LMTK3: variants seen among roughly 807,000 people sequenced by gnomAD.
The protein encoded by LMTK3 is serine/threonine-protein kinase LMTK3.
In LMTK3, 27 loss-of-function variants were observed where a neutral mutation model predicts 116.7. The ratio of observed to expected loss-of-function variants is 0.23; its 90% confidence interval spans 0.17 to 0.32. LMTK3 has a LOEUF of 0.32. Ranked by LOEUF, LMTK3 falls within the 10% of genes least tolerant of loss-of-function variation. The pLI, the probability that LMTK3 is intolerant of heterozygous loss-of-function variation, is 1.00. For missense variants in LMTK3, 1,764 were observed against 2,068.5 expected (o/e 0.85, Z 2.86); for synonymous variants, 965 against 971.0 (o/e 0.99, Z 0.11).
intron 1 of LMTK3, 142 bp from the exon 2 acceptor site, chr19:48,510,734 C>T: frequency 1.0e-6 from 1 of 979,286 alleles, no homozygotes. Context: ...TGCAGAGTGG[C>T]CCAAGGCATT....
At chr19:48,486,047 CTTTTTTTTTTTTTTTTTTTTT>C (rs141193575) in intron 14 of LMTK3, among the ~76,000 whole-genome samples, 2 of 59,714 alleles carry the variant, frequency 3.3e-5, no homozygotes, top group Non-Finnish European at 5.9e-5. Context: ...AACATTCTTC[CTTTTTTTTTTTTTTTTTTTTT>C]TTTTTTTTTG....
chr19:48,485,840 T>G, intron 14 of LMTK3, 51 bp from the exon 15 acceptor site: 1 of 1,569,748 alleles, frequency 6.4e-7, no homozygotes, highest in Non-Finnish European at 8.7e-7. Flanking sequence ...GGGGACAGCC[T>G]CATGGCTTCT....
chr19:48,493,609 G>C lies in LMTK3; in HGVS notation c.4092+85C>G, dbSNP rs191334939. 842 of 1,288,868 alleles carry C rather than the reference G, an allele frequency of 6.5e-4. 7 individuals carry two copies. In the African/African-American group the frequency reaches 0.011, roughly 18 times the overall value. The allele number at this position is 1,288,868 out of a possible 1,614,324, so 79.8% of individuals were successfully genotyped here. A position where few individuals can be genotyped will look rare whatever the true frequency, so the allele number is the denominator to read the frequency against. The stretch of plus-strand genomic sequence containing the variant: ...CCAGGCCCCGCCCAACTCTAAGCTC[G>C]GCCTCCCGCCAGGCCCTTCCCGGCT... On this transcript the variant is annotated intron_variant, in intron 12 of 14. Transcript: ENST00000600059.
In LMTK3 at chr19:48,494,053, C is replaced by T; in HGVS notation, c.3733G>A (p.Gly1245Arg). 8.4e-7 allele frequency: 1 copy of T among 1,187,500 alleles called. No individual in the cohort carries two copies. The highest frequency in any genetic ancestry group is 1.0e-6 in the Non-Finnish European group (1 of 959,092). The allele number at this position is 1,187,500 out of a possible 1,614,324, so 73.6% of individuals were successfully genotyped here. A position where few individuals can be genotyped will look rare whatever the true frequency, so the allele number is the denominator to read the frequency against. The part of the protein sequence containing the change: ...LPPLTLTPFP[G>R]PGPRRPPWEG... ...CACGGGGGCCGCCGCGGGCCCGGCC[C>T]CGGGAATGGCGTGAGCGTGAGCGGC... The change falls in exon 12 of 15, where the codon GGG becomes AGG. Residue 1245 changes from glycine to arginine, a missense_variant. Around this residue, in one of 7 missense-constraint regions of LMTK3, gnomAD observed 39 missense variants for 75.4 expected, o/e 0.52. Coordinates refer to ENST00000600059, the MANE Select transcript of LMTK3 (RefSeq NM_001388485.1). This position sits in a 1 kb window ranked among gnomAD's most constrained non-coding sequence, Gnocchi z 4.0.
Position 48,500,697 on chromosome 19 carries a change from TG to T in LMTK3, c.1151+298del, listed in dbSNP as rs962573510. The stretch of plus-strand genomic sequence containing the variant: ...GAGGCAGAGGGGACACAGCAGCAGA[TG>T]GGAACGGCTGGTGAGGGTAGTGGTG... On this transcript the variant is annotated intron_variant, in intron 10 of 14. Transcript: ENST00000600059. This position sits in a 1 kb window ranked among gnomAD's most constrained non-coding sequence, Gnocchi z 4.0. Among the ~76,000 whole-genome samples the T allele has an allele frequency of 1.6e-4, 24 of 152,082 alleles. No individual in the cohort carries two copies. The highest frequency in any genetic ancestry group is 4.4e-5 in the Non-Finnish European group (3 of 68,008).
In LMTK3 at chr19:48,485,720, T is replaced by G; in HGVS notation, c.*53A>C. 1 of 1,589,766 alleles carries G rather than the reference T, an allele frequency of 6.3e-7. No homozygotes were observed. Reference sequence around the variant, plus strand: ...CAGTGGCGCCGTCATCCACAGAGGATTCCATTCTCAACCCCTCTTCTGAGG... The same window carrying G: ...CAGTGGCGCCGTCATCCACAGAGGAGTCCATTCTCAACCCCTCTTCTGAGG... On this transcript the variant is annotated 3_prime_UTR_variant, in exon 15 of 15. Transcript: ENST00000600059.
intron 14 of LMTK3, among the ~76,000 whole-genome samples, chr19:48,486,047 CTTTTTTTTTTTTTT>C (rs141193575): frequency 3.3e-4 from 20 of 59,718 alleles, no homozygotes; most frequent in African/African-American, 9.2e-4. Flanking sequence ...AACATTCTTC[CTTTTTTTTTTTTTT>C]TTTTTTTTTT....
chr19:48,492,105 A>C (rs1216815733), intron 12 of LMTK3, among the ~76,000 whole-genome samples: 1 of 151,842 alleles, frequency 6.6e-6, no homozygotes, highest in Non-Finnish European at 1.5e-5. Context: ...ATCTCAGCCC[A>C]GTATGCCCGC....
Position 48,491,288 on chromosome 19 carries a change from C to A in LMTK3, c.4229-43G>T. 1.5e-6 allele frequency: 2 copies of A among 1,360,250 alleles called. No homozygotes were observed. The highest frequency in any genetic ancestry group is 3.1e-5 in the East Asian group (1 of 32,444). 84.3% of individuals were successfully genotyped at this position (1,360,250 alleles called of 1,614,324 possible). On this transcript the variant is annotated intron_variant, in intron 13 of 14. Transcript: ENST00000600059. The surrounding 1 kb of genome is among the most constrained non-coding windows in gnomAD (Gnocchi z 5.1). ...ACCGCGGTCAGGCTGCAGACACCTG[C>A]GGCACTCCCGCCCTCTGGTCCCGCC...
chr19:48,504,049 G>A (rs958009219), intron 5 of LMTK3, among the ~76,000 whole-genome samples: 26 of 152,034 alleles, frequency 1.7e-4, no homozygotes, highest in African/African-American at 6.0e-4. Flanking sequence ...TGTATTTTTA[G>A]TAGAGACAGG....
Position 48,511,616 on chromosome 19 carries a change from G to A in LMTK3, c.-40C>T, listed in dbSNP as rs1449731477. 2 of 674,596 alleles carry A rather than the reference G, an allele frequency of 3.0e-6. No homozygotes were observed. Among genetic ancestry groups the A allele is most frequent in the Non-Finnish European group, 4.7e-6 (2 of 429,504 alleles). 41.8% of individuals were successfully genotyped at this position (674,596 alleles called of 1,614,324 possible). A position where few individuals can be genotyped will look rare whatever the true frequency, so the allele number is the denominator to read the frequency against. ...CAGGGAGGTGGAGGTGGTGGCGGCT[G>A]GGGAGGAGGGGGGGGCGGGCCCTCA... On this transcript the variant is annotated 5_prime_UTR_variant, in exon 1 of 15. Transcript: ENST00000600059.
rs367785731 is a variant in LMTK3 at position 48,497,513 on chromosome 19, C to T, written c.3556G>A (p.Gly1186Ser). 1.5e-5 allele frequency: 21 copies of T among 1,441,368 alleles called. No homozygotes were observed. The highest frequency in any genetic ancestry group is 1.4e-4 in the East Asian group (5 of 36,430). The allele number at this position is 1,441,368 out of a possible 1,614,324, so 89.3% of individuals were successfully genotyped here. A position where few individuals can be genotyped will look rare whatever the true frequency, so the allele number is the denominator to read the frequency against. The change falls in exon 11 of 15, where the codon GGC (glycine) becomes AGC (serine). Residue 1186 changes from glycine (G) to serine (S), a missense_variant. Physicochemically the swap from Gly to Ser is moderately conservative, Grantham distance 56. Coordinates refer to ENST00000600059, the MANE Select transcript of LMTK3 (RefSeq NM_001388485.1). This position sits in a 1 kb window ranked among gnomAD's most constrained non-coding sequence, Gnocchi z 5.7. The stretch of plus-strand genomic sequence containing the variant: ...TCTCCGCTGAGTGCCGTGTCTCCGC[C>T]GGCCCTGCTGTCTGGGGCCCCGGGC... ...GEPGAPDSRA[G>S]GDTALSGDGD...
At position 48,493,783 on chromosome 19, in the gene LMTK3, C is replaced by T. The variant is rs1385827380; in HGVS notation, c.4003G>A (p.Gly1335Arg). Residue 1335 changes from glycine to arginine, a missense_variant, in exon 12 of 15, where the codon GGG (glycine) becomes AGG (arginine). Gly to Arg is a moderately radical substitution (Grantham distance 125). Around this residue, in one of 7 missense-constraint regions of LMTK3, gnomAD observed 281 missense variants for 301.4 expected, o/e 0.93. Transcript: ENST00000600059. Reference protein sequence around the residue: ...PLRGLLKSPRGADEPEDSELE... With the variant: ...PLRGLLKSPRRADEPEDSELE... ...TCGCTGTCCTCTGGCTCGTCGGCCC[C>T]GCGCGGAGACTTGAGCAGCCCCCGC... 4 of 1,538,610 alleles carry T rather than the reference C, an allele frequency of 2.6e-6. No individual in the cohort carries two copies. The highest frequency in any genetic ancestry group is 1.7e-6 in the Non-Finnish European group (2 of 1,143,210).
Position 48,498,197 on chromosome 19 carries a change from C to A in LMTK3, c.2872G>T (p.Val958Leu). Residue 958 changes from valine to leucine, a missense_variant, in exon 11 of 15, where the codon GTG becomes TTG. Around this residue, in one of 7 missense-constraint regions of LMTK3, gnomAD observed 1,028 missense variants for 1,050.6 expected, o/e 0.98. Coordinates refer to ENST00000600059, the MANE Select transcript of LMTK3 (RefSeq NM_001388485.1). ...ALGSPEREEK[V>L]LENGELTPPR... Reference sequence around the variant, plus strand: ...GGTGTCAGCTCCCCATTCTCCAGCACTTTCTCTTCTCTCTCGGGGGACCCC... The same window carrying A: ...GGTGTCAGCTCCCCATTCTCCAGCAATTTCTCTTCTCTCTCGGGGGACCCC... 2 of 1,613,578 alleles carry A rather than the reference C, an allele frequency of 1.2e-6. No individual in the cohort carries two copies. Among genetic ancestry groups the A allele is most frequent in the Non-Finnish European group, 1.7e-6 (2 of 1,179,760 alleles).
chr19:48,498,425 C>T lies in LMTK3; in HGVS notation c.2644G>A (p.Ala882Thr), dbSNP rs749736250. The T allele has an allele frequency of 5.0e-6, 8 of 1,606,782 alleles. No homozygotes were observed. Among genetic ancestry groups the T allele is most frequent in the Non-Finnish European group, 6.8e-6 (8 of 1,176,764 alleles). ...GCCTTCCTGGGTCCTGTCTCCCGGG[C>T]TGTCGCCCCCTTCTCCCCCAGGAGG... ...RNLLGEKGATARETGPRKAGR... is the reference protein window; with the variant it reads ...RNLLGEKGATTRETGPRKAGR... The change falls in exon 11 of 15, where the codon GCC becomes ACC. Residue 882 changes from alanine (A) to threonine (T), a missense_variant. By Grantham distance (58) the Ala-to-Thr change is moderately conservative. Transcript: ENST00000600059.
In LMTK3 at chr19:48,498,731, C is replaced by G. The variant is rs1191036448; in HGVS notation, c.2338G>C (p.Gly780Arg). 1 of 1,439,318 alleles carries G rather than the reference C, an allele frequency of 6.9e-7. No homozygotes were observed. Among genetic ancestry groups the G allele is most frequent in the African/African-American group, 1.5e-5 (1 of 67,520 alleles). The allele number at this position is 1,439,318 out of a possible 1,614,324, so 89.2% of individuals were successfully genotyped here. A position where few individuals can be genotyped will look rare whatever the true frequency, so the allele number is the denominator to read the frequency against. The change falls in exon 11 of 15, where the codon GGT becomes CGT. Residue 780 changes from glycine to arginine, a missense_variant. Around this residue, in one of 7 missense-constraint regions of LMTK3, gnomAD observed 1,028 missense variants for 1,050.6 expected, o/e 0.98. Coordinates refer to ENST00000600059, the MANE Select transcript of LMTK3 (RefSeq NM_001388485.1). ...GGGCCCGGCGACGAGAGGCCTGAAC[C>G]GGGACTGGCCACGGCCGAAGGGGGG... is the stretch of plus-strand genomic sequence containing the variant. The part of the protein sequence containing the change: ...PDPPSAVASP[G>R]SGLSSPGPKP...
rs1156748611 is a variant in LMTK3 at position 48,485,525 on chromosome 19, G to A, written c.*248C>T. 2 of 534,460 alleles carry A rather than the reference G, an allele frequency of 3.7e-6. No homozygotes were observed. The highest frequency in any genetic ancestry group is 2.0e-5 in the South Asian group (1 of 48,814). The allele number at this position is 534,460 out of a possible 1,614,324, so 33.1% of individuals were successfully genotyped here. ...GAAAGGCGGCTCTCTATGGAGGGGCGGGGGGATTCCTGCCTCATTTGGCTC... is the reference window on the plus strand; with the variant it reads ...GAAAGGCGGCTCTCTATGGAGGGGCAGGGGGATTCCTGCCTCATTTGGCTC... On this transcript the variant is annotated 3_prime_UTR_variant, in exon 15 of 15. Coordinates refer to ENST00000600059, the MANE Select transcript of LMTK3 (RefSeq NM_001388485.1).
At chr19:48,512,410 A>G (rs1972678222), upstream of LMTK3, among the ~76,000 whole-genome samples, 1 of 152,142 alleles carries the variant, frequency 6.6e-6, no homozygotes, top group Non-Finnish European at 1.5e-5. Context: ...CGCACACGCC[A>G]CAGACAAAGA....
Position 48,499,741 on chromosome 19 carries a change from C to A in LMTK3, c.1328G>T (p.Arg443Leu), listed in dbSNP as rs757078019. 1.5e-5 allele frequency: 18 copies of A among 1,199,660 alleles called. No homozygotes were observed. The highest frequency in any genetic ancestry group is 1.4e-5 in the South Asian group (1 of 70,158). 74.3% of individuals were successfully genotyped at this position (1,199,660 alleles called of 1,614,324 possible). A position where few individuals can be genotyped will look rare whatever the true frequency, so the allele number is the denominator to read the frequency against. Residue 443 changes from arginine (R) to leucine (L), a missense_variant, in exon 11 of 15, where the codon CGC becomes CTC. This residue lies in a region of LMTK3 where 63 missense variants were observed against 65.0 expected (regional missense o/e 0.97). Transcript: ENST00000600059. ...WPWPPAHSAP[R>L]PGTLSSPFPL... is the part of the protein sequence containing the mutation. Reference sequence around the variant, plus strand: ...GAACGGTGAGGAGAGGGTCCCCGGGCGGGGCGCACTGTGTGCAGGGGGCCA... The same window carrying A: ...GAACGGTGAGGAGAGGGTCCCCGGGAGGGGCGCACTGTGTGCAGGGGGCCA...
Sources: gnomAD v4.1 joint callset for allele counts (sites outside exome capture counted in the v4.1 genomes callset) on GRCh38, gnomAD v4.1.1 for gene constraint, gnomAD v4.1.1 regional missense constraint, Gnocchi (gnomAD v3.1) non-coding constraint, MANE v1.5 for transcripts, NCBI Gene and HGNC (gene_info 2026-07-23, HGNC 2026-07-21) for gene names.